ATP10A: variants seen among roughly 807,000 people sequenced by gnomAD.
The protein encoded by ATP10A is ATPase phospholipid transporting 10A (putative), also known as phospholipid-transporting ATPase VA.
A neutral mutation model predicts 147.8 loss-of-function variants in ATP10A; 111 were observed. That is an observed-to-expected ratio of 0.75 (90% CI 0.64 to 0.88). ATP10A has a LOEUF of 0.88. Among genes scored for constraint, ATP10A ranks in the 40% least tolerant of loss-of-function variants. The pLI is 0.00. For missense variants in ATP10A, 1,927 were observed against 1,959.0 expected, an observed-to-expected ratio of 0.98 and a Z score of 0.31; for synonymous variants, 875 against 841.6, an observed-to-expected ratio of 1.04 and a Z score of -0.69.
Position 25,683,494 on chromosome 15 carries a change from C to T in ATP10A, c.3292-8G>A. On this transcript the variant is annotated splice_polypyrimidine_tract_variant and splice_region_variant and intron_variant, in intron 16 of 20. Coordinates refer to ENST00000555815, the MANE Select transcript of ATP10A (RefSeq NM_024490.4). ...CAGGAGGCCCACGAACATCTGAAATCAAGAAAGGAAGAACAGGAACAGGCG... is the reference window on the plus strand; with the variant it reads ...CAGGAGGCCCACGAACATCTGAAATTAAGAAAGGAAGAACAGGAACAGGCG... 6.2e-7 allele frequency: 1 copy of T among 1,608,906 alleles called. No homozygotes were observed. The highest frequency in any genetic ancestry group is 8.5e-7 in the Non-Finnish European group (1 of 1,177,556).
chr15:25,799,010 G>A (rs1890815005), intron 1 of ATP10A, among the ~76,000 whole-genome samples: 1 of 152,156 alleles, frequency 6.6e-6, no homozygotes, highest in African/African-American at 2.4e-5. Context: ...TAAGGTGCCT[G>A]TTTGGCCCCT....
intron 1 of ATP10A, among the ~76,000 whole-genome samples, chr15:25,826,260 T>C (rs992033606): frequency 6.6e-6 from 1 of 151,802 alleles, no homozygotes; most frequent in African/African-American, 2.4e-5. Context: ...GAAAGTACAG[T>C]TGAAAAAATA....
At position 25,811,197 on chromosome 15, in the gene ATP10A, C is replaced by T. The variant is rs576383523; in HGVS notation, c.450-29974G>A. The stretch of plus-strand genomic sequence containing the variant: ...GAAGTCAGTATCCAGGGGCACTGCC[C>T]GGACCCAGAAGGCGGAGGCTGGGAT... On this transcript the variant is annotated intron_variant, in intron 1 of 20. Coordinates refer to ENST00000555815, the MANE Select transcript of ATP10A (RefSeq NM_024490.4). 4.6e-5 allele frequency among the ~76,000 whole-genome samples: 7 copies of T among 152,288 alleles called. No homozygotes were observed. In the South Asian group the frequency reaches 1.2e-3, roughly 27 times the overall value.
At chr15:25,782,096 T>C (rs770849680) in intron 1 of ATP10A, among the ~76,000 whole-genome samples, 24 of 152,212 alleles carry the variant, frequency 1.6e-4, no homozygotes, top group Non-Finnish European at 2.6e-4. Context: ...AATGGAGTAT[T>C]ATCCAGTCAT....
intron 12 of ATP10A, among the ~76,000 whole-genome samples, 175 bp from the exon 13 acceptor site, chr15:25,702,275 C>T (rs1900714810): frequency 6.6e-6 from 1 of 152,228 alleles, no homozygotes; most frequent in Admixed American, 6.5e-5. Context: ...GACAGGAAGT[C>T]CCCTGTGGAA....
At chr15:25,766,903 T>TAAAAA (rs778348104) in intron 2 of ATP10A, among the ~76,000 whole-genome samples, 30 of 110,656 alleles carry the variant, frequency 2.7e-4, no homozygotes, top group African/African-American at 7.7e-4. Flanking sequence ...GAACTGTTTC[T>TAAAAA]AAAAAAAAAA....
At chr15:25,695,917 A>G (rs1567307477) in intron 13 of ATP10A, among the ~76,000 whole-genome samples, 1 of 151,968 alleles carries the variant, frequency 6.6e-6, no homozygotes, top group African/African-American at 2.4e-5. Context: ...AAGTTCTCCA[A>G]TTCTGCCAGG....
chr15:25,723,910 G>A lies in ATP10A; in HGVS notation c.1091C>T (p.Thr364Ile), dbSNP rs1443449291. 1 of 1,604,650 alleles carries A rather than the reference G, an allele frequency of 6.2e-7. No homozygotes were observed. Among genetic ancestry groups the A allele is most frequent in the South Asian group, 1.1e-5 (1 of 88,350 alleles). The change falls in exon 6 of 21, where the codon ACA becomes ATA. Residue 364 changes from threonine to isoleucine, a missense_variant. Thr to Ile is a moderately conservative substitution (Grantham distance 89, BLOSUM62 -1). Coordinates refer to ENST00000555815, the MANE Select transcript of ATP10A (RefSeq NM_024490.4). ...TGTTACCTGCAGAACTATTATCATTGTTAAAAATGAGTAAACTGCAGCTGT... is the reference window on the plus strand; with the variant it reads ...TGTTACCTGCAGAACTATTATCATTATTAAAAATGAGTAAACTGCAGCTGT... ...PVTAAVYSFL[T>I]MIIVLQVLIP...
chr15:25,739,499 G>A (rs548167921), intron 2 of ATP10A, among the ~76,000 whole-genome samples: 1 of 152,274 alleles, frequency 6.6e-6, no homozygotes, highest in Admixed American at 6.5e-5. Context: ...GATCTCCGGG[G>A]TCTCTGTTGC....
chr15:25,795,823 G>A (rs1890646817), intron 1 of ATP10A, among the ~76,000 whole-genome samples: 1 of 152,168 alleles, frequency 6.6e-6, no homozygotes, highest in Non-Finnish European at 1.5e-5. Flanking sequence ...TCTGGGTCGT[G>A]GGGGTGGATC....
intron 1 of ATP10A, among the ~76,000 whole-genome samples, chr15:25,792,402 C>A (rs1225676888): frequency 1.3e-5 from 2 of 152,224 alleles, no homozygotes; most frequent in South Asian, 4.1e-4. Context: ...CTCCCCCTGC[C>A]CCAGCCAGTC....
intron 8 of ATP10A, among the ~76,000 whole-genome samples, chr15:25,717,412 G>C (rs1901888675): frequency 6.6e-6 from 1 of 152,084 alleles, no homozygotes; most frequent in Non-Finnish European, 1.5e-5. Context: ...GCAATCCTTG[G>C]CTGAATCGCT....
chr15:25,860,917 C>T (rs1352358409), intron 1 of ATP10A, among the ~76,000 whole-genome samples: 1 of 152,182 alleles, frequency 6.6e-6, no homozygotes, highest in African/African-American at 2.4e-5. Flanking sequence ...ACAGGAGTTA[C>T]GGGCTCAGTA....
intron 3 of ATP10A, among the ~76,000 whole-genome samples, chr15:25,735,404 A>T (rs1459287419): frequency 2.6e-5 from 4 of 152,136 alleles, no homozygotes; most frequent in Non-Finnish European, 5.9e-5. Context: ...GGTGGTTTCT[A>T]CTACTCCCCA....
rs1039042716 is a variant in ATP10A at position 25,679,703 on chromosome 15, T to A, written c.4138A>T (p.Arg1380Trp). The A allele has an allele frequency of 2.5e-6, 4 of 1,613,334 alleles. No individual in the cohort carries two copies. Among genetic ancestry groups the A allele is most frequent in the Non-Finnish European group, 3.4e-6 (4 of 1,180,004 alleles). ...PSTVDMSMPV[R>W]EHTLLEGLSA... Reference sequence around the variant, plus strand: ...AGCCCCTCCAGCAGGGTGTGCTCCCTCACTGGCATGCTCATGTCCACTGTG... The same window carrying A: ...AGCCCCTCCAGCAGGGTGTGCTCCCACACTGGCATGCTCATGTCCACTGTG... Residue 1380 changes from arginine (R) to tryptophan (W), a missense_variant, in exon 21 of 21, where the codon AGG (arginine) becomes TGG (tryptophan). Coordinates refer to ENST00000555815, the MANE Select transcript of ATP10A (RefSeq NM_024490.4).
chr15:25,817,871 T>C (rs1891732020), intron 1 of ATP10A, among the ~76,000 whole-genome samples: 1 of 152,216 alleles, frequency 6.6e-6, no homozygotes, highest in Non-Finnish European at 1.5e-5. Flanking sequence ...TGTAATAATA[T>C]GATGATGATA....
At chr15:25,724,433 T>G (rs1902425971) in intron 5 of ATP10A, among the ~76,000 whole-genome samples, 1 of 152,200 alleles carries the variant, frequency 6.6e-6, no homozygotes, top group South Asian at 2.1e-4. Context: ...TTTCCTGAGA[T>G]TCACAATTCA....
chr15:25,695,642 T>C (rs1289204499), intron 13 of ATP10A, among the ~76,000 whole-genome samples: 19 of 151,846 alleles, frequency 1.3e-4, no homozygotes, highest in Admixed American at 1.2e-3. Flanking sequence ...AAAAAGAGAC[T>C]GAACTGGTCT....
At chr15:25,798,936 A>G (rs1056013607) in intron 1 of ATP10A, among the ~76,000 whole-genome samples, 1 of 151,972 alleles carries the variant, frequency 6.6e-6, no homozygotes, top group Non-Finnish European at 1.5e-5. Context: ...TGTGTCCCCT[A>G]TAGAAGAAAC....
Sources: allele counts gnomAD v4.1 joint callset (sites outside exome capture counted in the v4.1 genomes callset), GRCh38; gene constraint gnomAD v4.1.1; transcripts MANE v1.5; gene names NCBI Gene and HGNC (gene_info 2026-07-23, HGNC 2026-07-21).